The following XRCC4 variants were observed in gnomAD, a reference collection of about 807,000 sequenced individuals.
XRCC4 encodes the protein X-ray repair cross complementing 4, also known as DNA repair protein XRCC4.
A neutral mutation model predicts 39.1 loss-of-function variants in XRCC4; 28 were observed. The ratio of observed to expected loss-of-function variants is 0.72; its 90% CI spans 0.53 to 0.98. The LOEUF (loss-of-function observed/expected upper bound fraction) is 0.98, where lower values mean the gene tolerates loss of function less well. Among genes scored for constraint, XRCC4 ranks in the 50% least tolerant of loss-of-function variants. The pLI, the probability that XRCC4 is intolerant of heterozygous loss-of-function variation, is 0.00. For missense variants in XRCC4, 350 were observed against 376.4 expected (o/e 0.93, Z 0.58); for synonymous variants, 123 against 126.4 (o/e 0.97, Z 0.18).
At chr5:83,189,797 G>A (rs1421187499) in intron 3 of XRCC4, among the ~76,000 whole-genome samples, 1 of 152,102 alleles carries the variant, frequency 6.6e-6, no homozygotes, top group Non-Finnish European at 1.5e-5. Flanking sequence ...AGACTCAGTG[G>A]CTTACATCTC....
At chr5:83,090,344 T>TC (rs1745365643) in intron 1 of XRCC4, among the ~76,000 whole-genome samples, 1 of 149,818 alleles carries the variant, frequency 6.7e-6, no homozygotes, top group Non-Finnish European at 1.5e-5. Flanking sequence ...GTGGTGGGGT[T>TC]GGGGGGGGCT....
At chr5:83,138,174 A>G (rs1033916616) in intron 3 of XRCC4, among the ~76,000 whole-genome samples, 5 of 152,312 alleles carry the variant, frequency 3.3e-5, no homozygotes, top group Middle Eastern at 6.8e-3. Flanking sequence ...CCTCAAACAT[A>G]TGCTTCTGAT....
At chr5:83,235,077 A>G (rs1249108249) in intron 6 of XRCC4, among the ~76,000 whole-genome samples, 2 of 151,788 alleles carry the variant, frequency 1.3e-5, no homozygotes, top group Non-Finnish European at 2.9e-5. Flanking sequence ...GTTCACACCT[A>G]TAATCCGATC....
chr5:83,286,726 T>C (rs1398215764), intron 7 of XRCC4, among the ~76,000 whole-genome samples: 1 of 152,064 alleles, frequency 6.6e-6, no homozygotes, highest in Non-Finnish European at 1.5e-5. Flanking sequence ...AATAACTAGG[T>C]ACTCTTACCT....
intron 1 of XRCC4, among the ~76,000 whole-genome samples, chr5:83,098,064 C>T (rs902061730): frequency 6.6e-6 from 1 of 151,992 alleles, no homozygotes; most frequent in Non-Finnish European, 1.5e-5. Context: ...TTATGTTTAT[C>T]ACTGAAACTA....
intron 6 of XRCC4, among the ~76,000 whole-genome samples, chr5:83,221,539 A>G (rs1477733854): frequency 1.3e-5 from 2 of 152,050 alleles, no homozygotes; most frequent in Non-Finnish European, 1.5e-5. Context: ...TTTAAATTCA[A>G]TTATATTCCA....
intron 7 of XRCC4, among the ~76,000 whole-genome samples, chr5:83,275,590 C>T (rs527538263): frequency 1.2e-4 from 18 of 152,218 alleles, no homozygotes; most frequent in African/African-American, 3.6e-4. Flanking sequence ...CCACCGCGCC[C>T]GGCCCAGGTT....
chr5:83,189,706 C>A (rs1042344651), intron 3 of XRCC4, among the ~76,000 whole-genome samples: 3 of 152,148 alleles, frequency 2.0e-5, no homozygotes, highest in Admixed American at 2.0e-4. Context: ...GAGCAGTTGT[C>A]AACTGAGATA....
chr5:83,275,395 C>T (rs1324221215), intron 7 of XRCC4, among the ~76,000 whole-genome samples: 1 of 150,000 alleles, frequency 6.7e-6, no homozygotes, highest in African/African-American at 2.4e-5. Context: ...CCCGGGTTCA[C>T]GCCATTCTCC....
chr5:83,194,166 A>C (rs1472366329), intron 3 of XRCC4, among the ~76,000 whole-genome samples: 6 of 151,828 alleles, frequency 4.0e-5, no homozygotes, highest in African/African-American at 1.4e-4. Context: ...CAGGTTTCGA[A>C]CTCCTGACCT....
At chr5:83,238,808 A>T (rs1158092674) in intron 6 of XRCC4, among the ~76,000 whole-genome samples, 1 of 152,150 alleles carries the variant, frequency 6.6e-6, no homozygotes, top group Non-Finnish European at 1.5e-5. Context: ...AATAATTGTC[A>T]CCAAAAATAT....
chr5:83,278,138 C>T (rs1219340909), intron 7 of XRCC4, among the ~76,000 whole-genome samples: 2 of 152,178 alleles, frequency 1.3e-5, no homozygotes, highest in Admixed American at 1.3e-4. Flanking sequence ...TCAGATTTCA[C>T]ATCACTTCAC....
chr5:83,298,967 T>C (rs1755184434), intron 7 of XRCC4, among the ~76,000 whole-genome samples: 1 of 152,026 alleles, frequency 6.6e-6, no homozygotes, highest in Non-Finnish European at 1.5e-5. Flanking sequence ...GACATTCTTA[T>C]TGTTATTTTA....
rs576023450 is a variant in XRCC4 at position 83,234,736 on chromosome 5, A to G, written c.746-23794A>G. Among the ~76,000 whole-genome samples, 9 of 152,192 alleles carry G rather than the reference A, an allele frequency of 5.9e-5. 2 individuals are homozygous for G. The highest frequency in any genetic ancestry group is 3.4e-3 in the Middle Eastern group (1 of 294). On this transcript the variant is annotated intron_variant, in intron 6 of 7. Coordinates refer to ENST00000396027, the MANE Select transcript of XRCC4 (RefSeq NM_003401.5). ...TATGATTTACCTTGTTTATATTGCT[A>G]AGGGATTGAGGGGACTATACTATAT...
intron 1 of XRCC4, among the ~76,000 whole-genome samples, chr5:83,079,786 G>A (rs1744852292): frequency 2.0e-5 from 3 of 152,012 alleles, no homozygotes; most frequent in Admixed American, 6.5e-5. Context: ...CTCCCGCCTC[G>A]GCCTCCCAAA....
chr5:83,278,149 C>T (rs1002500282), intron 7 of XRCC4, among the ~76,000 whole-genome samples: 102 of 152,222 alleles, frequency 6.7e-4, no homozygotes, highest in Non-Finnish European at 3.1e-4. Flanking sequence ...ATCACTTCAC[C>T]CCACCTAATG....
chr5:83,102,654 G>A (rs1745995927), intron 1 of XRCC4, among the ~76,000 whole-genome samples: 1 of 152,032 alleles, frequency 6.6e-6, no homozygotes, highest in Non-Finnish European at 1.5e-5. Flanking sequence ...TTTGATGGGA[G>A]ACTGGAAATA....
At chr5:83,109,159 A>G (rs1327848734) in intron 2 of XRCC4, among the ~76,000 whole-genome samples, 1 of 151,890 alleles carries the variant, frequency 6.6e-6, no homozygotes, top group East Asian at 1.9e-4. Flanking sequence ...CATAGAGACC[A>G]AAGGTATGAA....
chr5:83,360,726 C>A, the XRCC4 span, among the ~76,000 whole-genome samples: 7 of 152,126 alleles, frequency 4.6e-5, no homozygotes, highest in East Asian at 7.8e-4. Flanking sequence ...GATTCACATG[C>A]TGGAGCCACG....
Sources: gnomAD v4.1 joint callset for allele counts (sites outside exome capture counted in the v4.1 genomes callset) on GRCh38, gnomAD v4.1.1 for gene constraint, MANE v1.5 for transcripts, NCBI Gene and HGNC (gene_info 2026-07-23, HGNC 2026-07-21) for gene names.